The following CTBP1 variants were observed in gnomAD, a reference collection of about 807,000 sequenced individuals.
CTBP1 encodes the protein C-terminal binding protein 1.
In CTBP1, 11 loss-of-function variants were observed where a neutral mutation model predicts 42.1. The observed-to-expected ratio is 0.26, with a 90% CI of 0.16 to 0.43. CTBP1 has a LOEUF of 0.43. CTBP1 is among the 20% of genes least tolerant of loss of function. The pLI is 1.00. For missense variants in CTBP1, 399 were observed against 624.3 expected (o/e 0.64, Z 3.85); for synonymous variants, 324 against 277.1 (o/e 1.17, Z -1.68).
rs1272177196 is a variant in CTBP1, at chr4:1,213,463, G to C, written c.988+15C>G. On this transcript the variant is annotated intron_variant, in intron 8 of 9. Transcript: ENST00000382952. ...AAGGGACCCCCAGGCCTGACCGAGCGGCCCCCACGCCCACCTGTGATGGCT... is the reference window on the plus strand; with the variant it reads ...AAGGGACCCCCAGGCCTGACCGAGCCGCCCCCACGCCCACCTGTGATGGCT... 6.2e-7 allele frequency: 1 copy of C among 1,608,054 alleles called. No homozygotes were observed. The highest frequency in any genetic ancestry group is 8.5e-7 in the Non-Finnish European group (1 of 1,179,746).
chr4:1,243,983 C>T, intron 1 of CTBP1: 3 of 985,060 alleles, frequency 3.0e-6, no homozygotes, highest in Non-Finnish European at 3.6e-6. Flanking sequence ...GCTTGTGCTT[C>T]CTATTTTCCT....
Position 1,233,564 on chromosome 4 carries a change from T to C in CTBP1, c.162+4619A>G, listed in dbSNP as rs1279766975. Among the ~76,000 whole-genome samples, 2 of 152,092 alleles carry C rather than the reference T, an allele frequency of 1.3e-5. No individual in the cohort carries two copies. The highest frequency in any genetic ancestry group is 4.8e-5 in the African/African-American group (2 of 41,424). ...TCTTGCTCAGCAGTTTGATCAGATG[T>C]GCAGTGCTGGGCTGAAAACCCTTCT... On this transcript the variant is annotated intron_variant, in intron 3 of 9. Coordinates refer to ENST00000382952, the MANE Select transcript of CTBP1 (RefSeq NM_001012614.2). This position sits in a 1 kb window ranked among gnomAD's most constrained non-coding sequence, Gnocchi z 4.6.
At chr4:1,236,464 G>C in intron 3 of CTBP1, 1 of 581,008 alleles carries the variant, frequency 1.7e-6, no homozygotes, top group Non-Finnish European at 3.1e-6. Context: ...CGCCACAAAA[G>C]CTGGCATCCC....
rs776814021 is a variant in CTBP1, at chr4:1,214,359, C to G, written c.844G>C (p.Glu282Gln). The change falls in exon 7 of 10, where the codon GAG becomes CAG. Residue 282 changes from glutamate (E) to glutamine (Q), a missense_variant. Glu to Gln is a conservative substitution (Grantham distance 29, BLOSUM62 2). Coordinates refer to ENST00000382952, the MANE Select transcript of CTBP1 (RefSeq NM_001012614.2). ...TGGGGGCACCTGAAGGGTTCCGACT[C>G]GTGCACATCCAGGGCCGCGCCGCGG... ...RIRGAALDVH[E>Q]SEPFSFSQGP... 1 of 1,566,242 alleles carries G rather than the reference C, an allele frequency of 6.4e-7. No homozygotes were observed. The highest frequency in any genetic ancestry group is 8.6e-7 in the Non-Finnish European group (1 of 1,162,330).
intron 2 of CTBP1, 40 bp downstream of exon 2, chr4:1,241,285 C>A: frequency 1.3e-6 from 1 of 790,744 alleles, no homozygotes; most frequent in Middle Eastern, 2.3e-4. Context: ...AGAGACCGGC[C>A]GGCTTCACTC....
chr4:1,246,382 G>C (rs1732726188), intron 1 of CTBP1, among the ~76,000 whole-genome samples: 1 of 152,158 alleles, frequency 6.6e-6, no homozygotes, highest in Non-Finnish European at 1.5e-5. Flanking sequence ...CTGGGCCCTG[G>C]GCCAGGCCTG....
At position 1,233,426 on chromosome 4, in the gene CTBP1, T is replaced by G. The variant is rs1022274503; in HGVS notation, c.162+4757A>C. 2.0e-5 allele frequency among the ~76,000 whole-genome samples: 3 copies of G among 152,218 alleles called. No individual in the cohort carries two copies. The highest frequency in any genetic ancestry group is 7.2e-5 in the African/African-American group (3 of 41,462). On this transcript the variant is annotated intron_variant, in intron 3 of 9. Coordinates refer to ENST00000382952, the MANE Select transcript of CTBP1 (RefSeq NM_001012614.2). This position sits in a 1 kb window ranked among gnomAD's most constrained non-coding sequence, Gnocchi z 4.6. The stretch of plus-strand genomic sequence containing the variant: ...TCTTGCAGGAGTGCAACTGTCCAGC[T>G]GGCTGCAGGTCCTCGCAGGCCACTG...
chr4:1,248,316 C>A (rs906022647), intron 1 of CTBP1, among the ~76,000 whole-genome samples: 1 of 151,762 alleles, frequency 6.6e-6, no homozygotes, highest in African/African-American at 2.4e-5. Flanking sequence ...CCGGGGGCTG[C>A]GCTTTGGGCC....
At chr4:1,214,195 C>T in intron 7 of CTBP1, 148 bp downstream of exon 7, 1 of 1,073,830 alleles carries the variant, frequency 9.3e-7, no homozygotes, top group African/African-American at 1.7e-5. Flanking sequence ...CCTCACCCCG[C>T]AGCGGGCGGC....
intron 1 of CTBP1, chr4:1,245,274 C>G: frequency 1.0e-6 from 1 of 985,456 alleles, no homozygotes; most frequent in Middle Eastern, 5.2e-4. Flanking sequence ...CATGGATTTG[C>G]CAGCAAGATT....
chr4:1,213,165 C>T (rs886825917), intron 8 of CTBP1, 135 bp from the exon 9 acceptor site: 20 of 824,488 alleles, frequency 2.4e-5, no homozygotes, highest in East Asian at 2.3e-4. Context: ...TCCCAAGGCA[C>T]GGCAGGGTCC....
At chr4:1,224,546 G>A (rs1008642710) in intron 5 of CTBP1, among the ~76,000 whole-genome samples, 8 of 151,698 alleles carry the variant, frequency 5.3e-5, no homozygotes, top group African/African-American at 1.7e-4. Context: ...GTGCAGGCCC[G>A]TGAGGCCCAC....
intron 1 of CTBP1, among the ~76,000 whole-genome samples, chr4:1,247,900 C>T (rs956106996): frequency 3.3e-5 from 5 of 152,218 alleles, no homozygotes; most frequent in African/African-American, 1.2e-4. Flanking sequence ...GACCGCCTTC[C>T]CTTTTCCCCA....
In CTBP1 at chr4:1,249,049, T is replaced by TCCGC. The variant is rs1212229175; in HGVS notation, c.-326_-323dup. Reference sequence around the variant, plus strand: ...GGGCGGCCTCGGCGCCGTCCGCTGCTCCGCCCGCCCGCCTGCGCCTGGCCG... The same window carrying TCCGC: ...GGGCGGCCTCGGCGCCGTCCGCTGCTCCGCCCGCCCGCCCGCCTGCGCCTGGCCG... On this transcript the variant is annotated 5_prime_UTR_variant, in exon 1 of 10. Coordinates refer to ENST00000382952, the MANE Select transcript of CTBP1 (RefSeq NM_001012614.2). The TCCGC allele has an allele frequency of 2.0e-6, 1 of 510,000 alleles. No homozygotes were observed. The highest frequency in any genetic ancestry group is 2.5e-6 in the Non-Finnish European group (1 of 400,072). The allele number at this position is 510,000 out of a possible 1,614,324, so 31.6% of individuals were successfully genotyped here. A position where few individuals can be genotyped will look rare whatever the true frequency, so the allele number is the denominator to read the frequency against.
upstream of CTBP1, chr4:1,249,842 G>C (rs938241796): frequency 2.8e-5 from 6 of 211,746 alleles, no homozygotes; most frequent in African/African-American, 1.4e-4. Flanking sequence ...CCAACGTCCT[G>C]ACAGCTCAGC....
chr4:1,216,099 C>T lies in CTBP1; in HGVS notation c.621G>A (p.Gln207=). ...SDGVERALGL[Q]RVSTLQDLLF... ...GCAGGTCCTGCAGGGTGCTGACACG[C>T]TGCAGCCCCAGCGCCCGCTCCACGC... is the stretch of plus-strand genomic sequence containing the variant. The change falls in exon 6 of 10, where the codon CAG becomes CAA. Residue 207 remains glutamine, a synonymous_variant. Transcript: ENST00000382952. The T allele has an allele frequency of 6.2e-7, 1 of 1,611,444 alleles. No homozygotes were observed. The highest frequency in any genetic ancestry group is 8.5e-7 in the Non-Finnish European group (1 of 1,179,884).
Position 1,238,370 on chromosome 4 carries a change from C to A in CTBP1, c.8-33G>T. ...ACAGAGGCAAGTGCTCAGCCTTGCA[C>A]CACTGCGGCCCCGTGGCTACAACCC... On this transcript the variant is annotated intron_variant, in intron 2 of 9. Transcript: ENST00000382952. This position sits in a 1 kb window ranked among gnomAD's most constrained non-coding sequence, Gnocchi z 5.9. The A allele has an allele frequency of 6.6e-7, 1 of 1,517,608 alleles. No homozygotes were observed. The highest frequency in any genetic ancestry group is 8.8e-7 in the Non-Finnish European group (1 of 1,134,846). 94.0% of individuals were successfully genotyped at this position (1,517,608 alleles called of 1,614,324 possible).
chr4:1,229,790 C>T (rs1730769313), intron 3 of CTBP1, among the ~76,000 whole-genome samples: 1 of 152,204 alleles, frequency 6.6e-6, no homozygotes, highest in Non-Finnish European at 1.5e-5. Flanking sequence ...TCCAGCTTAG[C>T]CAGAACAGAT....
Position 1,228,156 on chromosome 4 carries a change from G to T in CTBP1, c.307+43C>A, listed in dbSNP as rs143948353. 558 of 1,607,672 alleles carry T rather than the reference G, an allele frequency of 3.5e-4. 2 individuals carry two copies. The African/African-American group carries it at 6.7e-3, about 19-fold the overall frequency. On this transcript the variant is annotated intron_variant, in intron 4 of 9. Coordinates refer to ENST00000382952, the MANE Select transcript of CTBP1 (RefSeq NM_001012614.2). The stretch of plus-strand genomic sequence containing the variant: ...CATGGACGAAGCAAGACGGGACGGA[G>T]CTTGCATGAATGGGCACAGGAGAGA...
Sources: allele counts gnomAD v4.1 joint callset (sites outside exome capture counted in the v4.1 genomes callset), GRCh38; gene constraint gnomAD v4.1.1; non-coding constraint Gnocchi (gnomAD v3.1); transcripts MANE v1.5; gene names NCBI Gene and HGNC (gene_info 2026-07-23, HGNC 2026-07-21).